Variants in VHL observed in about 807,000 individuals in gnomAD.
The protein encoded by VHL is von Hippel-Lindau disease tumor suppressor.
Under a neutral mutation model 19.2 loss-of-function variants are expected in VHL, and 10 were observed. The ratio of observed to expected loss-of-function variants is 0.52; its 90% CI spans 0.32 to 0.89. VHL has a LOEUF of 0.89. VHL is among the 40% of genes least tolerant of loss of function. The pLI, the probability that VHL is intolerant of heterozygous loss-of-function variation, is 0.03. For missense variants in VHL, 328 were observed against 292.7 expected, an observed-to-expected ratio of 1.12 and a Z score of -0.88; for synonymous variants, 167 against 129.5, an observed-to-expected ratio of 1.29 and a Z score of -1.97.
chr3:10,150,127 C>T lies in VHL; in HGVS notation c.*162C>T. The T allele has an allele frequency of 6.6e-7, 1 of 1,504,686 alleles. No individual in the cohort carries two copies. Among genetic ancestry groups the T allele is most frequent in the Non-Finnish European group, 8.9e-7 (1 of 1,127,254 alleles). The allele number at this position is 1,504,686 out of a possible 1,614,324, so 93.2% of individuals were successfully genotyped here. A position where few individuals can be genotyped will look rare whatever the true frequency, so the allele number is the denominator to read the frequency against. On this transcript the variant is annotated 3_prime_UTR_variant, in exon 3 of 3. Transcript: ENST00000256474. ...AAGAAAGTTAACTGACTTCACTAGG[C>T]ATTGTGATGTTTAGGGGCAAACATC...
intron 1 of VHL, among the ~76,000 whole-genome samples, chr3:10,145,646 C>T (rs933182879): frequency 2.0e-5 from 3 of 147,086 alleles, no homozygotes; most frequent in Non-Finnish European, 4.4e-5. Flanking sequence ...GCGGAGCTTG[C>T]AGTGAGCCGA....
rs1380364658 is a variant in VHL, at chr3:10,149,981, C to T, written c.*16C>T. 4 of 1,610,188 alleles carry T rather than the reference C, an allele frequency of 2.5e-6. No individual in the cohort carries two copies. Among genetic ancestry groups the T allele is most frequent in the Non-Finnish European group, 2.5e-6 (3 of 1,178,140 alleles). On this transcript the variant is annotated 3_prime_UTR_variant, in exon 3 of 3. Coordinates refer to ENST00000256474, the MANE Select transcript of VHL (RefSeq NM_000551.4). ...GGGAGATTGAAGATTTCTGTTGAAA[C>T]TTACACTGTTTCATCTCAGCTTTTG...
intron 2 of VHL, among the ~76,000 whole-genome samples, chr3:10,148,524 C>G (rs962897006): frequency 6.6e-6 from 1 of 151,266 alleles, no homozygotes; most frequent in Non-Finnish European, 1.5e-5. Flanking sequence ...CCGTTTTAGC[C>G]GGGATGGTCT....
chr3:10,142,094 G>C lies in VHL; in HGVS notation c.247G>C (p.Val83Leu), dbSNP rs751042065. 3.7e-6 allele frequency: 6 copies of C among 1,604,544 alleles called. No individual in the cohort carries two copies. The South Asian group carries it at 6.6e-5, about 18-fold the overall frequency. ...CATCTTCTGCAATCGCAGTCCGCGC[G>C]TCGTGCTGCCCGTATGGCTCAACTT... ...QVIFCNRSPR[V>L]VLPVWLNFDG... Residue 83 changes from valine (V) to leucine (L), a missense_variant, in exon 1 of 3, where the codon GTC becomes CTC. By Grantham distance (32) the Val-to-Leu change is conservative. Coordinates refer to ENST00000256474, the MANE Select transcript of VHL (RefSeq NM_000551.4).
chr3:10,148,372 T>G (rs1439406662), intron 2 of VHL, among the ~76,000 whole-genome samples: 1 of 145,676 alleles, frequency 6.9e-6, no homozygotes, highest in Admixed American at 6.9e-5. Flanking sequence ...TGGAGTGCAG[T>G]GGCGGGATCT....
rs916263633 is a variant in VHL at position 10,153,289 on chromosome 3, CA to C, written c.*3330del. 5.3e-5 allele frequency among the ~76,000 whole-genome samples: 8 copies of C among 150,218 alleles called. No individual in the cohort carries two copies. Among genetic ancestry groups the C allele is most frequent in the African/African-American group, 9.8e-5 (4 of 40,948 alleles). On this transcript the variant is annotated 3_prime_UTR_variant, in exon 3 of 3. Transcript: ENST00000256474. ...TGAGACACCGTCTCAAAAAAAAAAA[CA>C]AAAAACAAAAATTATCCAGGTGTGG...
intron 1 of VHL, among the ~76,000 whole-genome samples, chr3:10,145,041 A>G (rs1006781921): frequency 1.3e-5 from 2 of 151,430 alleles, no homozygotes; most frequent in Non-Finnish European, 2.9e-5. Flanking sequence ...AAAATACAAA[A>G]GTTAGCTGCA....
chr3:10,145,086 C>T (rs1255776045), intron 1 of VHL, among the ~76,000 whole-genome samples: 3 of 151,950 alleles, frequency 2.0e-5, no homozygotes, highest in Admixed American at 6.6e-5. Flanking sequence ...CCCAGCTACT[C>T]GGGAGGCTGA....
At chr3:10,142,356 T>TTC (rs1696147450) in intron 1 of VHL, among the ~76,000 whole-genome samples, 169 bp downstream of exon 1, 2 of 146,584 alleles carry the variant, frequency 1.4e-5, no homozygotes, top group Non-Finnish European at 3.0e-5. Flanking sequence ...TTTTTTTTTT[T>TTC]TTTTTCTGAG....
chr3:10,141,823 C>T lies in VHL; in HGVS notation c.-25C>T, dbSNP rs1340337531. 4.6e-6 allele frequency: 7 copies of T among 1,536,672 alleles called. No individual in the cohort carries two copies. Among genetic ancestry groups the T allele is most frequent in the Admixed American group, 2.0e-5 (1 of 49,008 alleles). On this transcript the variant is annotated 5_prime_UTR_variant, in exon 1 of 3. Coordinates refer to ENST00000256474, the MANE Select transcript of VHL (RefSeq NM_000551.4). The stretch of plus-strand genomic sequence containing the variant: ...ACCCGCGGATCCCGCGGCGTCCGGC[C>T]CGGGTGGTCTGGATCGCGGAGGGAA...
In VHL at chr3:10,149,812, C is replaced by G. The variant is rs1575932067; in HGVS notation, c.489C>G (p.Leu163=). 6.2e-7 allele frequency: 1 copy of G among 1,614,174 alleles called. No individual in the cohort carries two copies. Residue 163 remains leucine (L), a synonymous_variant, in exon 3 of 3, where the codon CTC becomes CTG. Transcript: ENST00000256474. ...TGTATACTCTGAAAGAGCGATGCCT[C>G]CAGGTTGTCCGGAGCCTAGTCAAGC... ...LPVYTLKERC[L]QVVRSLVKPE...
chr3:10,142,055 G>A lies in VHL; in HGVS notation c.208G>A (p.Glu70Lys), dbSNP rs5030802. 1 of 1,606,316 alleles carries A rather than the reference G, an allele frequency of 6.2e-7. No homozygotes were observed. Among genetic ancestry groups the A allele is most frequent in the South Asian group, 1.1e-5 (1 of 90,484 alleles). Residue 70 changes from glutamate (E) to lysine (K), a missense_variant, in exon 1 of 3, where the codon GAG becomes AAG. Transcript: ENST00000256474. ...RPVLRSVNSR[E>K]PSQVIFCNRS... ...CGTGCTGCGCTCGGTGAACTCGCGC[G>A]AGCCCTCCCAGGTCATCTTCTGCAA...
In VHL at chr3:10,153,088, AAC is replaced by A. The variant is rs946247801; in HGVS notation, c.*3126_*3127del. 2.7e-4 allele frequency among the ~76,000 whole-genome samples: 41 copies of A among 152,240 alleles called. No homozygotes were observed. Among genetic ancestry groups the A allele is most frequent in the Admixed American group, 8.5e-4 (13 of 15,296 alleles). On this transcript the variant is annotated 3_prime_UTR_variant, in exon 3 of 3. Transcript: ENST00000256474. Reference sequence around the variant, plus strand: ...TCAGGAAATCGAGACCATCCTGGCTAACACGGGTGAAACCCCGTCTCTATTAA... The same window carrying A: ...TCAGGAAATCGAGACCATCCTGGCTAACGGGTGAAACCCCGTCTCTATTAA...
At chr3:10,143,176 G>A (rs1696170120) in intron 1 of VHL, among the ~76,000 whole-genome samples, 1 of 151,362 alleles carries the variant, frequency 6.6e-6, no homozygotes, top group African/African-American at 2.4e-5. Context: ...AGTGGCCCAC[G>A]CTAGAATGCA....
chr3:10,145,802 G>A (rs1696241770), intron 1 of VHL, among the ~76,000 whole-genome samples: 1 of 152,042 alleles, frequency 6.6e-6, no homozygotes, highest in Non-Finnish European at 1.5e-5. Context: ...CTCTCGACAT[G>A]TTTTTGCACT....
At chr3:10,145,777 G>C (rs1185278232) in intron 1 of VHL, among the ~76,000 whole-genome samples, 1 of 152,052 alleles carries the variant, frequency 6.6e-6, no homozygotes, top group African/African-American at 2.4e-5. Context: ...CAGATCTTAG[G>C]GTTTGATGAG....
intron 1 of VHL, among the ~76,000 whole-genome samples, chr3:10,143,652 T>C (rs928537847): frequency 1.3e-5 from 2 of 151,974 alleles, no homozygotes; most frequent in African/African-American, 2.4e-5. Flanking sequence ...TTTCACCATG[T>C]TGGCCAGGAT....
intron 2 of VHL, among the ~76,000 whole-genome samples, chr3:10,147,169 C>T (rs914979397): frequency 1.3e-5 from 2 of 151,536 alleles, no homozygotes; most frequent in Non-Finnish European, 2.9e-5. Context: ...GTGCCACCCA[C>T]TCTGATAATT....
intron 2 of VHL, among the ~76,000 whole-genome samples, chr3:10,148,338 G>C (rs1341169596): frequency 2.3e-5 from 3 of 132,638 alleles, no homozygotes; most frequent in Admixed American, 7.8e-5. Context: ...TTTTTGAGAC[G>C]GAGTCTCGCT....
Sources: allele counts gnomAD v4.1 joint callset (sites outside exome capture counted in the v4.1 genomes callset), GRCh38; gene constraint gnomAD v4.1.1; transcripts MANE v1.5; gene names NCBI Gene and HGNC (gene_info 2026-07-23, HGNC 2026-07-21).